CEP128: variants seen among roughly 807,000 people sequenced by gnomAD.
The protein encoded by CEP128 is centrosomal protein 128.
Under a neutral mutation model 156.7 loss-of-function variants are expected in CEP128, and 132 were observed. That is an observed-to-expected ratio of 0.84 (90% CI 0.73 to 0.97). The LOEUF (loss-of-function observed/expected upper bound fraction) is 0.97, where lower values mean the gene tolerates loss of function less well. Ranked by LOEUF, CEP128 falls within the 50% of genes least tolerant of loss-of-function variation. The pLI, the probability that CEP128 is intolerant of heterozygous loss-of-function variation, is 0.00. For synonymous variants in CEP128, 469 were observed against 448.9 expected (o/e 1.04, Z -0.57); for missense variants, 1,252 against 1,281.9 (o/e 0.98, Z 0.36).
intron 2 of CEP128, among the ~76,000 whole-genome samples, chr14:80,936,160 G>A (rs912253033): frequency 2.6e-5 from 4 of 152,272 alleles, no homozygotes; most frequent in African/African-American, 7.2e-5. Flanking sequence ...TCGTTCACAA[G>A]CACTTATTCA....
chr14:80,485,804 T>C (rs139467576), downstream of CEP128, among the ~76,000 whole-genome samples: 2 of 152,250 alleles, frequency 1.3e-5, no homozygotes, highest in Admixed American at 1.3e-4. Flanking sequence ...AAGTATGTAA[T>C]TGTTGGCGTA....
intron 20 of CEP128, among the ~76,000 whole-genome samples, chr14:80,562,172 C>A (rs962765504): frequency 6.6e-6 from 1 of 151,904 alleles, no homozygotes; most frequent in African/African-American, 2.4e-5. Context: ...GTGATCCACC[C>A]GTCTCAGCCT....
intron 8 of CEP128, among the ~76,000 whole-genome samples, chr14:80,872,238 A>G (rs1888063958): frequency 6.6e-6 from 1 of 152,182 alleles, no homozygotes; most frequent in Non-Finnish European, 1.5e-5. Context: ...GAAATTTCCC[A>G]TATGGTATAA....
chr14:80,667,306 G>A (rs1895657555), intron 19 of CEP128, among the ~76,000 whole-genome samples: 1 of 152,170 alleles, frequency 6.6e-6, no homozygotes, highest in Non-Finnish European at 1.5e-5. Context: ...GCGAGCAACA[G>A]TGTGGCCGAG....
chr14:80,843,340 A>G (rs879380413), intron 9 of CEP128, among the ~76,000 whole-genome samples: 3 of 152,090 alleles, frequency 2.0e-5, no homozygotes, highest in Admixed American at 6.6e-5. Flanking sequence ...TTATAAACAT[A>G]ACCTATCCCA....
At chr14:80,675,603 T>C (rs1896027910) in intron 19 of CEP128, among the ~76,000 whole-genome samples, 3 of 152,112 alleles carry the variant, frequency 2.0e-5, no homozygotes, top group Non-Finnish European at 4.4e-5. Context: ...AATTTTCATC[T>C]TATTGATTTG....
At chr14:80,608,465 C>A (rs936924286) in intron 19 of CEP128, among the ~76,000 whole-genome samples, 2 of 152,170 alleles carry the variant, frequency 1.3e-5, no homozygotes, top group African/African-American at 4.8e-5. Context: ...TCCTCTAACA[C>A]CAAGCTAGTC....
intron 2 of CEP128, among the ~76,000 whole-genome samples, chr14:80,926,209 C>G (rs1461646036): frequency 1.3e-5 from 2 of 152,118 alleles, no homozygotes; most frequent in Admixed American, 6.6e-5. Context: ...ATGGGCTGAC[C>G]AGGAGGGGCA....
chr14:80,531,472 C>T (rs1253951651), intron 21 of CEP128, among the ~76,000 whole-genome samples: 4 of 152,152 alleles, frequency 2.6e-5, no homozygotes, highest in Non-Finnish European at 5.9e-5. Flanking sequence ...CTTTAATTAG[C>T]TGATCACTGT....
intron 19 of CEP128, among the ~76,000 whole-genome samples, chr14:80,586,850 A>G (rs530003144): frequency 2.0e-5 from 3 of 152,330 alleles, no homozygotes; most frequent in Non-Finnish European, 4.4e-5. Flanking sequence ...TCAGCTTAAT[A>G]TAACATTTAC....
At chr14:80,567,212 G>C (rs575079374) in intron 20 of CEP128, among the ~76,000 whole-genome samples, 6 of 152,176 alleles carry the variant, frequency 3.9e-5, no homozygotes, top group Admixed American at 3.9e-4. Context: ...TTTAGTTTGT[G>C]GTTTTATTAT....
At chr14:80,515,141 T>A (rs938155950) in intron 23 of CEP128, among the ~76,000 whole-genome samples, 1 of 152,162 alleles carries the variant, frequency 6.6e-6, no homozygotes, top group Non-Finnish European at 1.5e-5. Flanking sequence ...GATAGAAACA[T>A]CCCTGTAATC....
intron 7 of CEP128, 122 bp downstream of exon 7, chr14:80,899,816 T>C: frequency 1.6e-6 from 1 of 618,470 alleles, no homozygotes; most frequent in South Asian, 2.3e-5. Flanking sequence ...TGTTAATAAA[T>C]TTTAAGGTAC....
intron 24 of CEP128, among the ~76,000 whole-genome samples, chr14:80,503,234 TTTTC>T (rs1566743266): frequency 6.6e-6 from 1 of 152,170 alleles, no homozygotes; most frequent in East Asian, 1.9e-4. Flanking sequence ...ATAATAAATG[TTTTC>T]TTTTTCAAAT....
rs35031124 is a variant in CEP128, at chr14:80,814,483, T to TAA, written c.1209+16658_1209+16659dup. Reference sequence around the variant, plus strand: ...CTAGCACAATCCACCATTATTTGGTTAAAAAAAAAATTATTGGTAAAAAAA... The same window carrying TAA: ...CTAGCACAATCCACCATTATTTGGTTAAAAAAAAAAAATTATTGGTAAAAAAA... On this transcript the variant is annotated intron_variant, in intron 13 of 24. Transcript: ENST00000555265. 7.9e-3 allele frequency among the ~76,000 whole-genome samples: 1,193 copies of TAA among 150,420 alleles called. 14 individuals are homozygous for TAA. The highest frequency in any genetic ancestry group is 0.027 in the African/African-American group (1,100 of 41,038).
chr14:80,920,208 C>T (rs1429054915), intron 2 of CEP128, among the ~76,000 whole-genome samples: 1 of 152,182 alleles, frequency 6.6e-6, no homozygotes, highest in Non-Finnish European at 1.5e-5. Flanking sequence ...TGTGCCACAA[C>T]ACAGAAGGCA....
chr14:80,895,967 C>T (rs1369264410), intron 7 of CEP128, among the ~76,000 whole-genome samples, 177 bp from the exon 8 acceptor site: 5 of 152,044 alleles, frequency 3.3e-5, no homozygotes, highest in African/African-American at 1.2e-4. Flanking sequence ...TGCTGGATCC[C>T]GCCCCCCAGA....
intron 4 of CEP128, among the ~76,000 whole-genome samples, chr14:80,913,829 A>C (rs1419153886): frequency 6.6e-6 from 1 of 152,134 alleles, no homozygotes; most frequent in East Asian, 1.9e-4. Flanking sequence ...ATTGTACACT[A>C]TTTGGATGAC....
downstream of CEP128, among the ~76,000 whole-genome samples, chr14:80,492,530 A>G (rs1239332699): frequency 6.6e-6 from 1 of 152,198 alleles, no homozygotes; most frequent in Non-Finnish European, 1.5e-5. Context: ...ATACCAGAGA[A>G]GGATATCAAA....
Sources: allele counts gnomAD v4.1 joint callset (sites outside exome capture counted in the v4.1 genomes callset), GRCh38; gene constraint gnomAD v4.1.1; transcripts MANE v1.5; gene names NCBI Gene and HGNC (gene_info 2026-07-23, HGNC 2026-07-21).